Variants in IFIH1 observed in about 807,000 individuals in gnomAD.
IFIH1 encodes interferon induced with helicase C domain 1.
IFIH1 carries 125 observed loss-of-function variants against 107.4 expected under a neutral mutation model. The observed-to-expected ratio is 1.16, with a 90% confidence interval of 1.01 to 1.35. The LOEUF (loss-of-function observed/expected upper bound fraction) is 1.35, where lower values mean the gene tolerates loss of function less well. Ranked by LOEUF, IFIH1 falls within the 40% of genes most tolerant of loss-of-function variation. IFIH1 has a pLI of 0.00. For synonymous variants in IFIH1, 458 were observed against 413.2 expected, an observed-to-expected ratio of 1.11 and a Z score of -1.31; for missense variants, 1,333 against 1,213.7, an observed-to-expected ratio of 1.10 and a Z score of -1.46.
intron 2 of IFIH1, among the ~76,000 whole-genome samples, chr2:162,308,140 T>C (rs1452542502): frequency 6.6e-6 from 1 of 152,138 alleles, no homozygotes. Context: ...ACTGAGTGGC[T>C]GAAACAACAG....
intron 11 of IFIH1, among the ~76,000 whole-genome samples, chr2:162,274,503 C>G (rs570208830): frequency 6.6e-6 from 1 of 152,186 alleles, no homozygotes; most frequent in East Asian, 1.9e-4. Flanking sequence ...GGGAGGGGAG[C>G]TGGAAGACTA....
intron 2 of IFIH1, among the ~76,000 whole-genome samples, chr2:162,309,598 T>G (rs1683355197): frequency 6.6e-6 from 1 of 152,210 alleles, no homozygotes; most frequent in African/African-American, 2.4e-5. Context: ...GTATAATATA[T>G]CTCTACTCCT....
chr2:162,282,224 C>T, intron 6 of IFIH1, 142 bp downstream of exon 6: 1 of 557,806 alleles, frequency 1.8e-6, no homozygotes, highest in Non-Finnish European at 3.0e-6. Context: ...TTGTTTCCTC[C>T]AGGAAGTAGA....
At chr2:162,288,461 A>G (rs1306150665) in intron 4 of IFIH1, 106 bp from the exon 5 acceptor site, 5 of 722,878 alleles carry the variant, frequency 6.9e-6, no homozygotes, top group Non-Finnish European at 1.2e-5. Flanking sequence ...TCCTTTTCAC[A>G]TGTGGTCCAA....
intron 6 of IFIH1, 67 bp from the exon 7 acceptor site, chr2:162,281,612 A>C: frequency 8.3e-7 from 1 of 1,205,896 alleles, no homozygotes; most frequent in Non-Finnish European, 1.2e-6. Flanking sequence ...ATAGCTTTAG[A>C]CCAGTAATTG....
In IFIH1 at chr2:162,318,235, A is replaced by C. The variant is rs751082774; in HGVS notation, c.73T>G (p.Tyr25Asp). Residue 25 changes from tyrosine (Y) to aspartate (D), a missense_variant, in exon 1 of 16, where the codon TAC (tyrosine) becomes GAC (aspartate). Physicochemically the swap from Tyr to Asp is radical, Grantham distance 160 (BLOSUM62 -3). Transcript: ENST00000649979. ...ISCFRARVKM[Y>D]IQVEPVLDYL... is the part of the protein sequence containing the mutation. ...TCCAGCACAGGCTCCACCTGGATGT[A>C]CATTTTCACCCTGGCCCTGAAGCAC... is the stretch of plus-strand genomic sequence containing the variant. 3.1e-6 allele frequency: 5 copies of C among 1,614,184 alleles called. No individual in the cohort carries two copies. Among genetic ancestry groups the C allele is most frequent in the Non-Finnish European group, 4.2e-6 (5 of 1,180,040 alleles).
At chr2:162,298,767 TACACACACACGCACGCGCGCGCGC>T (rs1683140641) in intron 3 of IFIH1, among the ~76,000 whole-genome samples, 1 of 151,468 alleles carries the variant, frequency 6.6e-6, no homozygotes. Flanking sequence ...TATATGGATC[TACACACACACGCACGCGCGCGCGC>T]ACACACACAC....
At chr2:162,301,697 T>C (rs1683196672) in intron 3 of IFIH1, among the ~76,000 whole-genome samples, 1 of 152,224 alleles carries the variant, frequency 6.6e-6, no homozygotes, top group Non-Finnish European at 1.5e-5. Flanking sequence ...ATATTTGCTA[T>C]ATAGAAGTCA....
chr2:162,268,200 A>T lies in IFIH1; in HGVS notation c.2694T>A (p.Asn898Lys). The T allele has an allele frequency of 6.2e-7, 1 of 1,612,798 alleles. No homozygotes were observed. Residue 898 changes from asparagine (N) to lysine (K), a missense_variant, in exon 14 of 16, where the codon AAT (asparagine) becomes AAA (lysine). Transcript: ENST00000649979. ...TKRNIAKHYKNNPSLITFLCK... is the reference protein window; with the variant it reads ...TKRNIAKHYKKNPSLITFLCK... Reference sequence around the variant, plus strand: ...AAAGGAAAGTTATTAGTGATGGGTTATTCTTGTAATGCTTGGCAATATTTC... The same window carrying T: ...AAAGGAAAGTTATTAGTGATGGGTTTTTCTTGTAATGCTTGGCAATATTTC...
intron 3 of IFIH1, among the ~76,000 whole-genome samples, chr2:162,294,286 T>C (rs1405928435): frequency 1.3e-5 from 2 of 151,990 alleles, no homozygotes; most frequent in Non-Finnish European, 2.9e-5. Context: ...CAAAGAGTTA[T>C]GGTTAATATG....
At chr2:162,293,961 C>T (rs1240192493) in intron 3 of IFIH1, among the ~76,000 whole-genome samples, 1 of 151,920 alleles carries the variant, frequency 6.6e-6, no homozygotes, top group Non-Finnish European at 1.5e-5. Context: ...TATTGCCCTT[C>T]TACATGTAAA....
chr2:162,317,881 GT>G lies in IFIH1; in HGVS notation c.426del (p.Glu142AspfsTer3). Reference sequence around the variant, plus strand: ...CGGTTTCTGTCTTCAATTGTCAACAGTTCCTCCTCCATGCACTTATCCAAGA... The same window carrying G: ...CGGTTTCTGTCTTCAATTGTCAACAGTCCTCCTCCATGCACTTATCCAAGA... ...RDVLDKCMEEELLTIEDRNRI... is the reference protein window; with the variant it reads ...RDVLDKCMEEXLLTIEDRNRI... On this transcript the variant is annotated frameshift_variant, in exon 1 of 16. Transcript: ENST00000649979. LOFTEE classifies it high-confidence loss of function. 1 of 1,598,594 alleles carries G rather than the reference GT, an allele frequency of 6.3e-7. No individual in the cohort carries two copies. Among genetic ancestry groups the G allele is most frequent in the Non-Finnish European group, 8.5e-7 (1 of 1,172,696 alleles).
intron 13 of IFIH1, among the ~76,000 whole-genome samples, chr2:162,270,607 C>T (rs566604479): frequency 3.3e-5 from 5 of 152,218 alleles, no homozygotes; most frequent in African/African-American, 1.2e-4. Flanking sequence ...CTGGGGCACC[C>T]AAAGGGACAG....
At chr2:162,289,616 C>A (rs994705250) in intron 4 of IFIH1, among the ~76,000 whole-genome samples, 1 of 151,886 alleles carries the variant, frequency 6.6e-6, no homozygotes, top group African/African-American at 2.4e-5. Flanking sequence ...TCCATTTCAG[C>A]CCCTGGATAA....
intron 3 of IFIH1, among the ~76,000 whole-genome samples, chr2:162,294,172 T>G (rs750025784): frequency 1.9e-4 from 29 of 151,878 alleles, no homozygotes; most frequent in Non-Finnish European, 3.7e-4. Context: ...AGAGAATTTG[T>G]TCAAAAAGAA....
intron 13 of IFIH1, 126 bp downstream of exon 13, chr2:162,272,100 G>A: frequency 1.3e-6 from 1 of 752,120 alleles, no homozygotes; most frequent in Non-Finnish European, 2.3e-6. Flanking sequence ...ATTAAGCACA[G>A]TTCACTAAAC....
At chr2:162,284,685 G>A (rs1238907690) in intron 5 of IFIH1, among the ~76,000 whole-genome samples, 1 of 151,926 alleles carries the variant, frequency 6.6e-6, no homozygotes, top group Admixed American at 6.6e-5. Context: ...ACCTTATGGG[G>A]TTGCTGTGTA....
chr2:162,281,558 T>C lies in IFIH1; in HGVS notation c.1307-13A>G. On this transcript the variant is annotated splice_polypyrimidine_tract_variant and intron_variant, in intron 6 of 15. Coordinates refer to ENST00000649979, the MANE Select transcript of IFIH1 (RefSeq NM_022168.4). Reference sequence around the variant, plus strand: ...ATGAGGGAAAAGTCTTAAAAGAAAATTCAAAGAGTTCATTTCTCCATATCA... The same window carrying C: ...ATGAGGGAAAAGTCTTAAAAGAAAACTCAAAGAGTTCATTTCTCCATATCA... 6.4e-7 allele frequency: 1 copy of C among 1,565,026 alleles called. No individual in the cohort carries two copies. The highest frequency in any genetic ancestry group is 8.8e-7 in the Non-Finnish European group (1 of 1,141,184).
intron 5 of IFIH1, among the ~76,000 whole-genome samples, chr2:162,287,517 T>G (rs1247202807): frequency 6.6e-6 from 1 of 151,856 alleles, no homozygotes; most frequent in African/African-American, 2.4e-5. Context: ...ATATAAATTA[T>G]TGAAGGAAAA....
Sources: gnomAD v4.1 joint callset for allele counts (sites outside exome capture counted in the v4.1 genomes callset) on GRCh38, gnomAD v4.1.1 for gene constraint, MANE v1.5 for transcripts, NCBI Gene and HGNC (gene_info 2026-07-23, HGNC 2026-07-21) for gene names.